GPATCH1: variants seen among roughly 807,000 people sequenced by gnomAD.
GPATCH1 encodes G-patch domain containing 1, also known as G patch domain-containing protein 1.
GPATCH1 carries 73 observed loss-of-function variants against 114.9 expected under a neutral mutation model. The ratio of observed to expected loss-of-function variants is 0.64; its 90% CI spans 0.53 to 0.77. The LOEUF (loss-of-function observed/expected upper bound fraction) is 0.77. Ranked by LOEUF, GPATCH1 falls within the 30% of genes least tolerant of loss-of-function variation. GPATCH1 has a pLI of 0.00. For synonymous variants in GPATCH1, 391 were observed against 428.4 expected (o/e 0.91, Z 1.08); for missense variants, 1,058 against 1,144.3 (o/e 0.92, Z 1.09).
At position 33,107,002 on chromosome 19, in the gene GPATCH1, G is replaced by A. The variant is rs183086179; in HGVS notation, c.1285+103G>A. On this transcript the variant is annotated intron_variant, in intron 10 of 19. Coordinates refer to ENST00000170564, the MANE Select transcript of GPATCH1 (RefSeq NM_018025.3). The stretch of plus-strand genomic sequence containing the variant: ...CCACTGAAGTTTTTTACATGAATTT[G>A]TATTCCCAAACTGTGGAAATACCAC... 1.3e-3 allele frequency: 1,085 copies of A among 824,496 alleles called. 16 individuals are homozygous for A. The highest frequency in any genetic ancestry group is 2.9e-3 in the Middle Eastern group (13 of 4,454). 51.1% of individuals were successfully genotyped at this position (824,496 alleles called of 1,614,324 possible).
In GPATCH1 at chr19:33,119,082, A is replaced by C. The variant is rs745912482; in HGVS notation, c.2486A>C (p.Glu829Ala). ...AAGATGCAGATAGATGAAAGAGAAG[A>C]GTTCGGCCCGCGGCTGCCTCCCGTC... The part of the protein sequence containing the change: ...IQKMQIDERE[E>A]FGPRLPPVFC... The change falls in exon 17 of 20, where the codon GAG becomes GCG. Residue 829 changes from glutamate (E) to alanine (A), a missense_variant. Around this residue, in one of 3 missense-constraint regions of GPATCH1, gnomAD observed 893 missense variants for 977.4 expected, o/e 0.91. Transcript: ENST00000170564. The C allele has an allele frequency of 1.4e-5, 22 of 1,612,928 alleles. No homozygotes were observed. Among genetic ancestry groups the C allele is most frequent in the Non-Finnish European group, 1.4e-5 (17 of 1,179,568 alleles).
In GPATCH1 at chr19:33,118,052, A is replaced by G. The variant is rs765602396; in HGVS notation, c.2413+11A>G. On this transcript the variant is annotated intron_variant, in intron 16 of 19. Transcript: ENST00000170564. Reference sequence around the variant, plus strand: ...CATCTGTGGCTCACGGTATGTCAGTATTTCAGACTCGGGGATCTAAAGGAG... The same window carrying G: ...CATCTGTGGCTCACGGTATGTCAGTGTTTCAGACTCGGGGATCTAAAGGAG... 19 of 1,585,102 alleles carry G rather than the reference A, an allele frequency of 1.2e-5. No individual in the cohort carries two copies. The highest frequency in any genetic ancestry group is 1.6e-5 in the Non-Finnish European group (19 of 1,153,912).
intron 3 of GPATCH1, among the ~76,000 whole-genome samples, chr19:33,092,202 C>T (rs1972604424): frequency 6.6e-6 from 1 of 152,000 alleles, no homozygotes; most frequent in Admixed American, 6.6e-5. Context: ...GCGTGTGCAC[C>T]ACCATGCCTG....
intron 19 of GPATCH1, 35 bp downstream of exon 19, chr19:33,126,768 CTTTAGA>C: frequency 6.6e-7 from 1 of 1,524,362 alleles, no homozygotes; most frequent in Non-Finnish European, 9.0e-7. Flanking sequence ...TTTCAGAAAC[CTTTAGA>C]GGCTTATTGA....
intron 1 of GPATCH1, among the ~76,000 whole-genome samples, chr19:33,082,964 C>T (rs1192179769): frequency 6.6e-6 from 1 of 151,948 alleles, no homozygotes; most frequent in Non-Finnish European, 1.5e-5. Context: ...TGAGGCCGGG[C>T]GTGGTGGCTC....
rs1397280533 is a variant in GPATCH1, at chr19:33,125,091, C to A, written c.2522-14C>A. The A allele has an allele frequency of 1.6e-5, 25 of 1,587,958 alleles. No homozygotes were observed. Among genetic ancestry groups the A allele is most frequent in the South Asian group, 6.9e-5 (6 of 87,262 alleles). ...TGCTATATAGGTCCTGTGTTTATTACCTTTGTGTTTCAGATGCTCGTCAGA... is the reference window on the plus strand; with the variant it reads ...TGCTATATAGGTCCTGTGTTTATTAACTTTGTGTTTCAGATGCTCGTCAGA... On this transcript the variant is annotated splice_polypyrimidine_tract_variant and intron_variant, in intron 17 of 19. Coordinates refer to ENST00000170564, the MANE Select transcript of GPATCH1 (RefSeq NM_018025.3).
rs1177551184 is a variant in GPATCH1, at chr19:33,107,031, T to G, written c.1285+132T>G. 20 of 652,608 alleles carry G rather than the reference T, an allele frequency of 3.1e-5. No individual in the cohort carries two copies. In the Middle Eastern group the frequency reaches 7.8e-4, roughly 25 times the overall value. The allele number at this position is 652,608 out of a possible 1,614,324, so 40.4% of individuals were successfully genotyped here. A position where few individuals can be genotyped will look rare whatever the true frequency, so the allele number is the denominator to read the frequency against. On this transcript the variant is annotated intron_variant, in intron 10 of 19. Transcript: ENST00000170564. ...TCCCAAACTGTGGAAATACCACTAT[T>G]TATTGTAAATGGCATACATAATAGT...
chr19:33,118,136 G>T, intron 16 of GPATCH1, 95 bp downstream of exon 16: 1 of 724,412 alleles, frequency 1.4e-6, no homozygotes. Flanking sequence ...AAACCCGAAT[G>T]ATTAGCAATC....
chr19:33,097,841 C>T lies in GPATCH1; in HGVS notation c.939C>T (p.Asp313=), dbSNP rs759547534. Reference sequence around the variant, plus strand: ...CCAAGTATGACACTGTTCTGAAGGACGAGGAGCCTGGAGACGGACTCTATG... The same window carrying T: ...CCAAGTATGACACTGTTCTGAAGGATGAGGAGCCTGGAGACGGACTCTATG... ...TLSKYDTVLK[D]EEPGDGLYGW... Residue 313 remains aspartate (D), a synonymous_variant, in exon 8 of 20, where the codon GAC becomes GAT. Transcript: ENST00000170564. The T allele has an allele frequency of 8.1e-6, 13 of 1,613,756 alleles. No individual in the cohort carries two copies. In the African/African-American group the frequency reaches 9.3e-5, roughly 12 times the overall value.
intron 1 of GPATCH1, among the ~76,000 whole-genome samples, chr19:33,083,786 C>T (rs1972505950): frequency 6.6e-6 from 1 of 152,118 alleles, no homozygotes; most frequent in Admixed American, 6.6e-5. Context: ...CTCAGTAATA[C>T]AAGTTTTTGA....
Position 33,119,022 on chromosome 19 carries a change from C to T in GPATCH1, c.2426C>T (p.Ala809Val), listed in dbSNP as rs769968602. ...TSSVAHALVPAPQEPPPSFPI... is the reference protein window; with the variant it reads ...TSSVAHALVPVPQEPPPSFPI... ...CGCTGTTTTTCAGCTCTTGTGCCAG[C>T]ACCCCAGGAGCCGCCACCTTCCTTC... Residue 809 changes from alanine to valine, a missense_variant, in exon 17 of 20, where the codon GCA becomes GTA. Physicochemically the swap from Ala to Val is moderately conservative, Grantham distance 64. Around this residue, in one of 3 missense-constraint regions of GPATCH1, gnomAD observed 893 missense variants for 977.4 expected, o/e 0.91. Coordinates refer to ENST00000170564, the MANE Select transcript of GPATCH1 (RefSeq NM_018025.3). 4 of 1,609,090 alleles carry T rather than the reference C, an allele frequency of 2.5e-6. No homozygotes were observed. The highest frequency in any genetic ancestry group is 1.7e-4 in the Middle Eastern group (1 of 6,046).
intron 8 of GPATCH1, among the ~76,000 whole-genome samples, chr19:33,099,443 G>C (rs74399246): frequency 0.02 from 3,012 of 151,752 alleles, 87 homozygotes; most frequent in African/African-American, 0.069. Flanking sequence ...ACTGAGCTCC[G>C]AGCCTGTCCT....
intron 11 of GPATCH1, 69 bp downstream of exon 11, chr19:33,110,085 A>G (rs1487830441): frequency 1.5e-6 from 2 of 1,312,382 alleles, no homozygotes; most frequent in Non-Finnish European, 2.1e-6. Flanking sequence ...TTCTCATCCT[A>G]GACCCATATT....
chr19:33,125,213 T>G lies in GPATCH1; in HGVS notation c.2619+11T>G. ...CGGAAGAAAGAGAAGGTGAGAGACT[T>G]GTGTGTACCCCAGGATCAGTGTGGG... On this transcript the variant is annotated intron_variant, in intron 18 of 19. Transcript: ENST00000170564. 1 of 1,583,958 alleles carries G rather than the reference T, an allele frequency of 6.3e-7. No individual in the cohort carries two copies.
chr19:33,124,878 C>T (rs1020424091), intron 17 of GPATCH1, among the ~76,000 whole-genome samples: 2 of 152,220 alleles, frequency 1.3e-5, no homozygotes, highest in South Asian at 4.1e-4. Flanking sequence ...TTGGATCACA[C>T]AGGTCTTTGT....
At chr19:33,094,527 A>G (rs1363645204) in intron 5 of GPATCH1, among the ~76,000 whole-genome samples, 1 of 152,082 alleles carries the variant, frequency 6.6e-6, no homozygotes, top group Non-Finnish European at 1.5e-5. Flanking sequence ...GCCCAGGCCC[A>G]GGCTGAGGAT....
intron 1 of GPATCH1, among the ~76,000 whole-genome samples, chr19:33,081,876 A>T (rs1175804422): frequency 1.7e-5 from 2 of 117,990 alleles, no homozygotes; most frequent in African/African-American, 3.2e-5. Flanking sequence ...AGGGAGGGAT[A>T]TATATATGAT....
Position 33,130,158 on chromosome 19 carries a change from T to G in GPATCH1, c.2794T>G (p.Ter932GluextTer15). 6.2e-7 allele frequency: 1 copy of G among 1,604,612 alleles called. No individual in the cohort carries two copies. Among genetic ancestry groups the G allele is most frequent in the Non-Finnish European group, 8.5e-7 (1 of 1,171,332 alleles). ...RLKSLPLRRQ* is the reference protein window; with the variant it reads ...RLKSLPLRRQE ...GAAAAGTCTTCCACTAAGAAGGCAG[T>G]AATTGAATGCTGCCCTGGCTCGTCC... Residue 932 changes from the stop codon to glutamate, a stop_lost, in exon 20 of 20, where the codon TAA (stop) becomes GAA (glutamate). Coordinates refer to ENST00000170564, the MANE Select transcript of GPATCH1 (RefSeq NM_018025.3).
In GPATCH1 at chr19:33,128,229, A is replaced by G. The variant is rs539615061; in HGVS notation, c.2765+1496A>G. 6.6e-4 allele frequency among the ~76,000 whole-genome samples: 100 copies of G among 152,038 alleles called. 1 individual carries two copies. The highest frequency in any genetic ancestry group is 3.4e-3 in the Middle Eastern group (1 of 294). ...CAGCCTTCAGAGTAGCTGGGACTGT[A>G]AGTGTGCACCACCACACCCAGCTAA... On this transcript the variant is annotated intron_variant, in intron 19 of 19. Coordinates refer to ENST00000170564, the MANE Select transcript of GPATCH1 (RefSeq NM_018025.3).
Sources: allele counts gnomAD v4.1 joint callset (sites outside exome capture counted in the v4.1 genomes callset), GRCh38; gene constraint gnomAD v4.1.1; regional missense constraint gnomAD v4.1.1; transcripts MANE v1.5; gene names NCBI Gene and HGNC (gene_info 2026-07-23, HGNC 2026-07-21).